The following LRRC37A2 variants were observed in gnomAD, a reference collection of about 807,000 sequenced individuals.
The protein encoded by LRRC37A2 is leucine-rich repeat-containing protein 37A2.
A neutral mutation model predicts 68.8 loss-of-function variants in LRRC37A2; 9 were observed. The observed-to-expected ratio is 0.13, with a 90% CI of 0.08 to 0.23. The LOEUF (loss-of-function observed/expected upper bound fraction) is 0.23. Among genes scored for constraint, LRRC37A2 ranks in the 10% least tolerant of loss-of-function variants. The pLI is 1.00. For missense variants in LRRC37A2, 168 were observed against 950.4 expected, an observed-to-expected ratio of 0.18 and a Z score of 10.82; for synonymous variants, 63 against 367.6, an observed-to-expected ratio of 0.17 and a Z score of 9.48.
the LRRC37A2 span, among the ~76,000 whole-genome samples, chr17:46,927,129 A>G: frequency 6.6e-6 from 1 of 152,022 alleles, no homozygotes; most frequent in Non-Finnish European, 1.5e-5. Context: ...ATTGCTTTTC[A>G]TTTGTGTTTT....
At chr17:46,794,955 T>TG in the LRRC37A2 span, among the ~76,000 whole-genome samples, 8 of 152,072 alleles carry the variant, frequency 5.3e-5, no homozygotes, top group Non-Finnish European at 1.2e-4. Flanking sequence ...TTCACCATGT[T>TG]GGCCAGGCTG....
chr17:47,038,485 C>T, the LRRC37A2 span, among the ~76,000 whole-genome samples: 3 of 151,528 alleles, frequency 2.0e-5, no homozygotes, highest in South Asian at 6.3e-4. Flanking sequence ...TGTGGTGGTG[C>T]GCACCTGTCG....
the LRRC37A2 span, among the ~76,000 whole-genome samples, chr17:46,843,787 T>C: frequency 1.3e-5 from 2 of 152,362 alleles, no homozygotes; most frequent in Middle Eastern, 3.4e-3. Flanking sequence ...AGTTTACACT[T>C]ATATAGATAT....
the LRRC37A2 span, among the ~76,000 whole-genome samples, chr17:47,000,063 T>TAAAATAAAAAAAA: frequency 5.6e-5 from 1 of 17,728 alleles, no homozygotes; most frequent in South Asian, 1.9e-3. Context: ...TAAAATAAAA[T>TAAAATAAAAAAAA]TAAAATAAAA....
chr17:47,019,942 C>T, the LRRC37A2 span: 17 of 687,022 alleles, frequency 2.5e-5, no homozygotes, highest in Admixed American at 1.2e-4. Flanking sequence ...TGTCAACTCT[C>T]CCTTCTCCTC....
chr17:46,851,304 C>T, the LRRC37A2 span, among the ~76,000 whole-genome samples: 109 of 152,170 alleles, frequency 7.2e-4, no homozygotes, highest in African/African-American at 2.5e-3. This position sits in a 1 kb window ranked among gnomAD's most constrained non-coding sequence, Gnocchi z 4.3. Context: ...CTCCCCGCCT[C>T]TCCAGGCCCG....
chr17:47,037,172 C>A, the LRRC37A2 span, among the ~76,000 whole-genome samples: 2 of 149,954 alleles, frequency 1.3e-5, no homozygotes, highest in Admixed American at 6.7e-5. Context: ...CACCTGTAAT[C>A]CCAGCTACTC....
chr17:47,002,943 G>C, the LRRC37A2 span, among the ~76,000 whole-genome samples: 2 of 152,074 alleles, frequency 1.3e-5, no homozygotes, highest in South Asian at 4.1e-4. Context: ...CTAACTCAAA[G>C]ACGAGTTCTG....
At chr17:46,717,019 T>C in the LRRC37A2 span, among the ~76,000 whole-genome samples, 7 of 152,180 alleles carry the variant, frequency 4.6e-5, no homozygotes, top group Non-Finnish European at 2.9e-5. Flanking sequence ...ATAAATAATA[T>C]ATATCAAAGA....
At chr17:46,929,783 C>T in the LRRC37A2 span, 3 of 563,650 alleles carry the variant, frequency 5.3e-6, no homozygotes, top group East Asian at 9.2e-5. Flanking sequence ...CAAGTCTTAT[C>T]CCCCATTACC....
the LRRC37A2 span, among the ~76,000 whole-genome samples, chr17:46,928,361 A>G: frequency 6.6e-6 from 1 of 152,212 alleles, no homozygotes; most frequent in African/African-American, 2.4e-5. Flanking sequence ...CTCACGATGC[A>G]GAATGGTTGC....
chr17:46,730,234 T>C, the LRRC37A2 span, among the ~76,000 whole-genome samples: 2 of 152,180 alleles, frequency 1.3e-5, no homozygotes, highest in African/African-American at 4.8e-5. Flanking sequence ...AAACTTTATG[T>C]CAGCATATTA....
chr17:46,679,583 T>C, the LRRC37A2 span, among the ~76,000 whole-genome samples: 1 of 130,942 alleles, frequency 7.6e-6, no homozygotes, highest in Admixed American at 7.9e-5. Flanking sequence ...TCCCAGCTAC[T>C]CAGGAGGCTG....
the LRRC37A2 span, among the ~76,000 whole-genome samples, chr17:46,860,860 T>A: frequency 1.3e-5 from 2 of 151,888 alleles, no homozygotes; most frequent in Non-Finnish European, 2.9e-5. Context: ...AAATTTCACT[T>A]TTTTTTTATT....
At chr17:46,963,471 G>T in the LRRC37A2 span, among the ~76,000 whole-genome samples, 1 of 151,828 alleles carries the variant, frequency 6.6e-6, no homozygotes, top group Admixed American at 6.6e-5. Flanking sequence ...CTTGAACCTG[G>T]GAGGTGGAGG....
At chr17:47,028,258 C>T in the LRRC37A2 span, 26 of 1,375,334 alleles carry the variant, frequency 1.9e-5, no homozygotes, top group Non-Finnish European at 2.6e-5. Flanking sequence ...TTTCCTTTGG[C>T]TTGTGTCTTT....
the LRRC37A2 span, among the ~76,000 whole-genome samples, chr17:46,979,984 C>T: frequency 6.6e-6 from 1 of 152,136 alleles, no homozygotes; most frequent in Non-Finnish European, 1.5e-5. Context: ...ACCGTTCCTG[C>T]TTACTGCCTC....
At chr17:46,791,630 TGGTAA>T in the LRRC37A2 span, among the ~76,000 whole-genome samples, 2 of 152,214 alleles carry the variant, frequency 1.3e-5, no homozygotes. Context: ...AGGCATGCCC[TGGTAA>T]GGGTGCTGGG....
chr17:47,027,509 A>G, the LRRC37A2 span: 83 of 878,914 alleles, frequency 9.4e-5, no homozygotes, highest in Non-Finnish European at 1.9e-5. Context: ...CATACCAATC[A>G]ACATTTAATA....
Sources: allele counts gnomAD v4.1 joint callset (sites outside exome capture counted in the v4.1 genomes callset), GRCh38; gene constraint gnomAD v4.1.1; non-coding constraint Gnocchi (gnomAD v3.1); transcripts MANE v1.5; gene names NCBI Gene and HGNC (gene_info 2026-07-23, HGNC 2026-07-21).